ASTN1: variants seen among roughly 807,000 people sequenced by gnomAD.
ASTN1 encodes the protein astrotactin-1.
ASTN1 carries 41 observed loss-of-function variants against 140.7 expected under a neutral mutation model. The observed-to-expected ratio is 0.29, with a 90% CI of 0.23 to 0.38. The LOEUF is 0.38. ASTN1 is among the 10% of genes least tolerant of loss of function. The pLI is 1.00. For missense variants in ASTN1, 1,479 were observed against 1,678.8 expected, an observed-to-expected ratio of 0.88 and a Z score of 2.08; for synonymous variants, 640 against 652.2, an observed-to-expected ratio of 0.98 and a Z score of 0.29.
rs1669421589 is a variant in ASTN1 at position 176,894,652 on chromosome 1, G to C, written c.2850C>G (p.Ser950=). 1.2e-6 allele frequency: 2 copies of C among 1,614,024 alleles called. No homozygotes were observed. Among genetic ancestry groups the C allele is most frequent in the Admixed American group, 3.3e-5 (2 of 60,006 alleles). ...CCGGCTCAGCAGGGGTGTCAGGGCT[G>C]GATGTCACATGACACAGGGGGCAGG... ...PSSCPLCHVT[S]SPDTPAEPVL... Residue 950 remains serine, a synonymous_variant, in exon 17 of 23, where the codon TCC becomes TCG. Transcript: ENST00000361833.
intron 2 of ASTN1, among the ~76,000 whole-genome samples, chr1:177,047,280 G>C (rs1677284644): frequency 6.6e-6 from 1 of 152,224 alleles, no homozygotes; most frequent in African/African-American, 2.4e-5. Context: ...ACTCAGAGGA[G>C]AGGAAAGACA....
chr1:177,026,609 C>G (rs1676127952), intron 5 of ASTN1, among the ~76,000 whole-genome samples: 1 of 152,056 alleles, frequency 6.6e-6, no homozygotes, highest in Non-Finnish European at 1.5e-5. Context: ...GTGGTTGTAC[C>G]AATTTACATT....
intron 11 of ASTN1, among the ~76,000 whole-genome samples, chr1:176,951,255 C>T (rs760576109): frequency 6.6e-6 from 1 of 152,238 alleles, no homozygotes; most frequent in Non-Finnish European, 1.5e-5. Flanking sequence ...GATTGCCCCC[C>T]ATGTTTTGCT....
chr1:177,094,525 A>G (rs1435065668), intron 1 of ASTN1, among the ~76,000 whole-genome samples: 1 of 152,186 alleles, frequency 6.6e-6, no homozygotes. Flanking sequence ...AGAAGCCACC[A>G]TCTTTGAACC....
chr1:177,060,615 A>G (rs968596813), intron 2 of ASTN1, among the ~76,000 whole-genome samples: 2 of 152,266 alleles, frequency 1.3e-5, no homozygotes, highest in African/African-American at 4.8e-5. Flanking sequence ...TGTTCAAGCA[A>G]TTCTCAGGTC....
intron 8 of ASTN1, among the ~76,000 whole-genome samples, chr1:176,968,330 A>C (rs1211761540): frequency 6.6e-6 from 1 of 152,236 alleles, no homozygotes; most frequent in African/African-American, 2.4e-5. Flanking sequence ...GTGTTTCCCA[A>C]ATTTCAATAG....
At chr1:176,946,403 C>G (rs1383342933) in intron 12 of ASTN1, among the ~76,000 whole-genome samples, 1 of 151,992 alleles carries the variant, frequency 6.6e-6, no homozygotes, top group Non-Finnish European at 1.5e-5. Flanking sequence ...GTACAGTTAC[C>G]CAAATAGGTC....
intron 10 of ASTN1, among the ~76,000 whole-genome samples, 198 bp downstream of exon 10, chr1:176,958,147 T>A (rs1672497706): frequency 6.6e-6 from 1 of 152,218 alleles, no homozygotes; most frequent in African/African-American, 2.4e-5. Context: ...CTTCTTCCAG[T>A]GAATGAGCCT....
rs1201167020 is a variant in ASTN1 at position 176,949,519 on chromosome 1, G to A, written c.1888-168C>T. Among the ~76,000 whole-genome samples, 6 of 152,202 alleles carry A rather than the reference G, an allele frequency of 3.9e-5. No homozygotes were observed. The East Asian group carries it at 1.2e-3, about 29-fold the overall frequency. ...CACAGCAGACTTCTTTTAAAAACAA[G>A]TGACCTTTTTTGACGTCTTTCTTCT... On this transcript the variant is annotated intron_variant, in intron 11 of 22. Transcript: ENST00000361833.
At chr1:177,130,933 A>AT (rs996268102) in intron 1 of ASTN1, among the ~76,000 whole-genome samples, 3 of 152,092 alleles carry the variant, frequency 2.0e-5, no homozygotes, top group Admixed American at 2.0e-4. Context: ...CTAAAATGTT[A>AT]TTTTTTCTAT....
intron 2 of ASTN1, among the ~76,000 whole-genome samples, chr1:177,046,762 T>C (rs1261254821): frequency 1.3e-5 from 2 of 152,058 alleles, no homozygotes; most frequent in Non-Finnish European, 2.9e-5. Context: ...TCCTGTTCCA[T>C]GAATATGTGA....
chr1:176,941,313 C>T (rs770698747), intron 14 of ASTN1, among the ~76,000 whole-genome samples: 2 of 152,130 alleles, frequency 1.3e-5, no homozygotes, highest in Non-Finnish European at 2.9e-5. Flanking sequence ...AATATGTGAC[C>T]TTGGCTTAAC....
At chr1:176,970,579 GTAGGTAGGTAGA>G (rs1437583179) in intron 8 of ASTN1, among the ~76,000 whole-genome samples, 2 of 151,820 alleles carry the variant, frequency 1.3e-5, no homozygotes, top group African/African-American at 4.8e-5. Context: ...AGGTAGGTAG[GTAGGTAGGTAGA>G]TAGATAGATA....
At chr1:177,043,765 A>G (rs1332699904) in intron 2 of ASTN1, among the ~76,000 whole-genome samples, 1 of 152,202 alleles carries the variant, frequency 6.6e-6, no homozygotes, top group African/African-American at 2.4e-5. Context: ...TGACGTACGA[A>G]CACGATTAGA....
intron 14 of ASTN1, 69 bp from the exon 15 acceptor site, chr1:176,936,439 C>G: frequency 7.9e-7 from 1 of 1,262,334 alleles, no homozygotes; most frequent in East Asian, 2.3e-5. Flanking sequence ...AAAGCATGAC[C>G]CACCTCTATG....
intron 7 of ASTN1, among the ~76,000 whole-genome samples, chr1:177,021,653 C>A (rs1296896096): frequency 6.6e-6 from 1 of 152,158 alleles, no homozygotes; most frequent in Non-Finnish European, 1.5e-5. Context: ...ATCATTGAGA[C>A]CCCTCCAAGC....
rs572058726 is a variant in ASTN1, at chr1:177,085,707, T to C, written c.284-24442A>G. ...GTTGTCAGTTGGCCAGAATAATGCA[T>C]CAATGGCCTTGTTCACACAATTGTT... On this transcript the variant is annotated intron_variant, in intron 1 of 22. Transcript: ENST00000361833. Among the ~76,000 whole-genome samples the C allele has an allele frequency of 1.1e-3, 169 of 152,302 alleles. No individual in the cohort carries two copies. In the Middle Eastern group the frequency reaches 0.024, roughly 21 times the overall value.
chr1:177,144,149 G>T (rs2102229909), intron 1 of ASTN1, among the ~76,000 whole-genome samples: 1 of 137,684 alleles, frequency 7.3e-6, no homozygotes, highest in East Asian at 2.1e-4. Flanking sequence ...TCTGGAACAT[G>T]ATTTTTTTTT....
intron 8 of ASTN1, among the ~76,000 whole-genome samples, chr1:176,987,647 C>T (rs1264246159): frequency 1.3e-5 from 2 of 152,168 alleles, no homozygotes; most frequent in Admixed American, 6.5e-5. Context: ...TCTTCTTCTC[C>T]CCTTGTACTC....
Sources: allele counts gnomAD v4.1 joint callset (sites outside exome capture counted in the v4.1 genomes callset), GRCh38; gene constraint gnomAD v4.1.1; transcripts MANE v1.5; gene names NCBI Gene and HGNC (gene_info 2026-07-23, HGNC 2026-07-21).